Variants in DDX31 observed in about 807,000 individuals in gnomAD.
DDX31 encodes the protein DEAD-box helicase 31.
DDX31 carries 70 observed loss-of-function variants against 91.3 expected under a neutral mutation model. The ratio of observed to expected loss-of-function variants is 0.77; its 90% CI spans 0.63 to 0.94. The LOEUF is 0.94. DDX31 is among the 40% of genes least tolerant of loss of function. DDX31 has a pLI of 0.00. For synonymous variants in DDX31, 362 were observed against 350.6 expected (o/e 1.03, Z -0.36); for missense variants, 902 against 925.0 (o/e 0.98, Z 0.32).
chr9:132,639,609 T>C (rs1833360086), intron 14 of DDX31, among the ~76,000 whole-genome samples: 1 of 152,242 alleles, frequency 6.6e-6, no homozygotes, highest in African/African-American at 2.4e-5. Context: ...TTGTATGCTT[T>C]TGACCTGAGA....
intron 1 of DDX31, among the ~76,000 whole-genome samples, chr9:132,666,862 A>G (rs184651189): frequency 0.023 from 3,471 of 152,050 alleles, 93 homozygotes; most frequent in Admixed American, 0.083. Flanking sequence ...ACCCACCACC[A>G]GCCACCACAC....
chr9:132,643,460 C>T (rs904088993), intron 13 of DDX31, among the ~76,000 whole-genome samples: 2 of 152,190 alleles, frequency 1.3e-5, no homozygotes, highest in South Asian at 2.1e-4. Flanking sequence ...CTTTCCTGTG[C>T]GTAGATTTTG....
At chr9:132,610,570 C>T (rs1564283132) in intron 19 of DDX31, among the ~76,000 whole-genome samples, 1 of 152,014 alleles carries the variant, frequency 6.6e-6, no homozygotes, top group Non-Finnish European at 1.5e-5. Context: ...TGCTTTTTAG[C>T]TTGTAAGAAC....
intron 12 of DDX31, 150 bp from the exon 13 acceptor site, chr9:132,646,221 A>C: frequency 5.2e-6 from 4 of 766,392 alleles, no homozygotes; most frequent in Non-Finnish European, 6.1e-6. Flanking sequence ...AAAAACAAAA[A>C]CAGTGATACT....
Position 132,662,307 on chromosome 9 carries a change from A to G in DDX31, c.362T>C (p.Val121Ala). 6.2e-7 allele frequency: 1 copy of G among 1,614,204 alleles called. No individual in the cohort carries two copies. The highest frequency in any genetic ancestry group is 1.1e-5 in the South Asian group (1 of 91,090). The change falls in exon 3 of 20, where the codon GTG becomes GCG. Residue 121 changes from valine (V) to alanine (A), a missense_variant. Transcript: ENST00000372159. The stretch of plus-strand genomic sequence containing the variant: ...CTCATGAAAAGCAGCTGAAGTAAAC[A>G]CTTTTTCTTGCACCTGCTTTACCAC... ...RPVVKQVQEK[V>A]FTSAAFHELG...
intron 6 of DDX31, 105 bp from the exon 7 acceptor site, chr9:132,652,597 T>C (rs1223579861): frequency 1.4e-6 from 2 of 1,416,942 alleles, no homozygotes; most frequent in African/African-American, 2.8e-5. Flanking sequence ...GAAGCACTCT[T>C]AATGAAGAAA....
At chr9:132,632,499 A>G (rs951156030) in intron 14 of DDX31, among the ~76,000 whole-genome samples, 1 of 152,154 alleles carries the variant, frequency 6.6e-6, no homozygotes, top group Non-Finnish European at 1.5e-5. Flanking sequence ...CTCTTCTAGC[A>G]TGTTTTATTG....
intron 1 of DDX31, 41 bp from the exon 2 acceptor site, chr9:132,662,736 T>C: frequency 6.2e-7 from 1 of 1,611,778 alleles, no homozygotes; most frequent in Non-Finnish European, 8.5e-7. Context: ...AGAGATGCAT[T>C]AGTCCATGAA....
intron 19 of DDX31, among the ~76,000 whole-genome samples, 169 bp downstream of exon 19, chr9:132,611,918 T>C (rs1831363241): frequency 6.6e-6 from 1 of 152,190 alleles, no homozygotes; most frequent in South Asian, 2.1e-4. Context: ...GAGGCACCCC[T>C]GAATTTCTGC....
At chr9:132,643,140 A>G (rs1047591993) in intron 13 of DDX31, among the ~76,000 whole-genome samples, 4 of 152,200 alleles carry the variant, frequency 2.6e-5, no homozygotes, top group Non-Finnish European at 5.9e-5. Context: ...TTAATATTGC[A>G]ATCAATGCTG....
intron 14 of DDX31, chr9:132,638,471 T>C (rs1833264784): frequency 2.0e-6 from 3 of 1,468,502 alleles, no homozygotes; most frequent in South Asian, 2.3e-5. Context: ...TTCCAATGAC[T>C]CCTTCTTGCT....
chr9:132,609,097 AAAG>A (rs1831182811), intron 19 of DDX31, among the ~76,000 whole-genome samples: 2 of 152,144 alleles, frequency 1.3e-5, no homozygotes, highest in Admixed American at 6.5e-5. Context: ...AATGCCTTCA[AAAG>A]AAGGGCATAG....
intron 16 of DDX31, among the ~76,000 whole-genome samples, chr9:132,629,520 C>T (rs572798585): frequency 7.9e-5 from 12 of 152,266 alleles, no homozygotes; most frequent in Non-Finnish European, 1.6e-4. Context: ...CACCCCACAA[C>T]AGGCCCCCAG....
intron 17 of DDX31, among the ~76,000 whole-genome samples, chr9:132,622,667 T>G (rs1270402021): frequency 2.0e-5 from 3 of 152,226 alleles, no homozygotes; most frequent in Non-Finnish European, 4.4e-5. Flanking sequence ...ATTGTGTAAT[T>G]GTACTACTTG....
At position 132,646,874 on chromosome 9, in the gene DDX31, G is replaced by T; in HGVS notation, c.1152C>A (p.Pro384=). 1 of 1,614,128 alleles carries T rather than the reference G, an allele frequency of 6.2e-7. No individual in the cohort carries two copies. Among genetic ancestry groups the T allele is most frequent in the South Asian group, 1.1e-5 (1 of 91,060 alleles). Residue 384 remains proline (P), a synonymous_variant, in exon 12 of 20, where the codon CCC becomes CCA. Transcript: ENST00000372159. ...CTAGGCAGACAAGCCTCAGTTTGCTGGGAACCACAGTCACATGCTGCTTGA... is the reference window on the plus strand; with the variant it reads ...CTAGGCAGACAAGCCTCAGTTTGCTTGGAACCACAGTCACATGCTGCTTGA... ...ESLKQHVTVV[P]SKLRLVCLAA...
chr9:132,644,894 T>C (rs1833725978), intron 13 of DDX31, among the ~76,000 whole-genome samples: 1 of 152,178 alleles, frequency 6.6e-6, no homozygotes, highest in Non-Finnish European at 1.5e-5. Flanking sequence ...TTGTGGCAAA[T>C]AACCGGTGTC....
At chr9:132,627,604 A>ATT (rs1832473441) in intron 16 of DDX31, among the ~76,000 whole-genome samples, 1 of 152,242 alleles carries the variant, frequency 6.6e-6, no homozygotes. Context: ...TTAGAAACAC[A>ATT]TTTAAAGGGG....
intron 1 of DDX31, chr9:132,669,539 C>T (rs1486732022): frequency 7.1e-7 from 1 of 1,416,130 alleles, no homozygotes; most frequent in East Asian, 3.3e-5. Flanking sequence ...AAGCTTTGGC[C>T]TGGGACTTGC....
At chr9:132,650,448 G>A in intron 8 of DDX31, 150 bp from the exon 9 acceptor site, 1 of 720,410 alleles carries the variant, frequency 1.4e-6, no homozygotes, top group Non-Finnish European at 2.4e-6. Flanking sequence ...CAATTCCTAG[G>A]CATTGCTACA....
Sources: gnomAD v4.1 joint callset for allele counts (sites outside exome capture counted in the v4.1 genomes callset) on GRCh38, gnomAD v4.1.1 for gene constraint, MANE v1.5 for transcripts, NCBI Gene and HGNC (gene_info 2026-07-23, HGNC 2026-07-21) for gene names.